OAS2: variants seen among roughly 807,000 people sequenced by gnomAD.
The protein encoded by OAS2 is 2'-5'-oligoadenylate synthase 2.
Under a neutral mutation model 71.3 loss-of-function variants are expected in OAS2, and 67 were observed. The observed-to-expected ratio is 0.94, with a 90% CI of 0.77 to 1.15. OAS2 has a LOEUF of 1.15. Among genes scored for constraint, OAS2 ranks in the 50% most tolerant of loss-of-function variants. The pLI, the probability that OAS2 is intolerant of heterozygous loss-of-function variation, is 0.00. For missense variants in OAS2, 789 were observed against 822.5 expected, an observed-to-expected ratio of 0.96 and a Z score of 0.50; for synonymous variants, 327 against 321.8, an observed-to-expected ratio of 1.02 and a Z score of -0.17.
At chr12:113,004,575 A>G (rs2044314499) in intron 6 of OAS2, among the ~76,000 whole-genome samples, 1 of 152,208 alleles carries the variant, frequency 6.6e-6, no homozygotes, top group African/African-American at 2.4e-5. Context: ...CACCTTCACC[A>G]TAATTATTGC....
chr12:112,986,995 C>A, intron 1 of OAS2, 43 bp from the exon 2 acceptor site: 1 of 1,563,404 alleles, frequency 6.4e-7, no homozygotes, highest in Non-Finnish European at 8.7e-7. Flanking sequence ...TCCCTGTAAC[C>A]CCAGAATCTA....
chr12:113,007,841 T>TG lies in OAS2; in HGVS notation c.1795dup (p.Val599GlyfsTer18). On this transcript the variant is annotated frameshift_variant, in exon 9 of 10. Coordinates refer to ENST00000392583, the MANE Select transcript of OAS2 (RefSeq NM_002535.3). LOFTEE classifies it high-confidence loss of function. ...GAAGGTTTCCGGACAGTCCTGGAGC[T>TG]GGTCACACAATATCAGCAGCTCTGC... 1 of 1,614,200 alleles carries TG rather than the reference T, an allele frequency of 6.2e-7. No individual in the cohort carries two copies. Among genetic ancestry groups the TG allele is most frequent in the Non-Finnish European group, 8.5e-7 (1 of 1,180,020 alleles).
chr12:112,993,083 A>G (rs1051462940), intron 2 of OAS2, among the ~76,000 whole-genome samples: 3 of 151,840 alleles, frequency 2.0e-5, no homozygotes, highest in Admixed American at 2.0e-4. Context: ...AAGGAAACAC[A>G]GGGTCACTTT....
chr12:113,010,029 G>C lies in OAS2; in HGVS notation c.*774G>C. 1.0e-6 allele frequency: 1 copy of C among 971,824 alleles called. No individual in the cohort carries two copies. The highest frequency in any genetic ancestry group is 1.2e-6 in the Non-Finnish European group (1 of 814,006). The allele number at this position is 971,824 out of a possible 1,614,324, so 60.2% of individuals were successfully genotyped here. On this transcript the variant is annotated 3_prime_UTR_variant, in exon 10 of 10. Coordinates refer to ENST00000392583, the MANE Select transcript of OAS2 (RefSeq NM_002535.3). ...TTGGAGGCTCTCTTGTGCATTGTAGGATGTTGAGCAGCATCTCTGGCCTGT... is the reference window on the plus strand; with the variant it reads ...TTGGAGGCTCTCTTGTGCATTGTAGCATGTTGAGCAGCATCTCTGGCCTGT...
chr12:112,984,243 A>G (rs934162646), intron 1 of OAS2, among the ~76,000 whole-genome samples: 3 of 152,218 alleles, frequency 2.0e-5, no homozygotes, highest in Non-Finnish European at 1.5e-5. Flanking sequence ...ATACATATAC[A>G]TATATATGTC....
At chr12:113,003,880 A>G (rs1343219923) in intron 6 of OAS2, among the ~76,000 whole-genome samples, 2 of 152,254 alleles carry the variant, frequency 1.3e-5, no homozygotes, top group African/African-American at 4.8e-5. Flanking sequence ...AATGGCACCA[A>G]TAGCCCCAGG....
At position 112,979,737 on chromosome 12, in the gene OAS2, C is replaced by A. The variant is rs149140088; in HGVS notation, c.177+952C>A. On this transcript the variant is annotated intron_variant, in intron 1 of 9. Coordinates refer to ENST00000392583, the MANE Select transcript of OAS2 (RefSeq NM_002535.3). ...CACCCAGATCCAGAAACAAAACATT[C>A]TCAGCCCCCCAGAGCCCTGGGCCCC... 9.3e-4 allele frequency among the ~76,000 whole-genome samples: 142 copies of A among 152,288 alleles called. 2 individuals are homozygous for A. The East Asian group carries it at 0.013, about 14-fold the overall frequency.
intron 1 of OAS2, among the ~76,000 whole-genome samples, chr12:112,983,683 G>T (rs1452730984): frequency 1.3e-5 from 2 of 152,042 alleles, no homozygotes. Flanking sequence ...GAAATTTTTT[G>T]ATTTCCTTTT....
chr12:112,983,069 T>G (rs1402254287), intron 1 of OAS2, among the ~76,000 whole-genome samples: 1 of 152,192 alleles, frequency 6.6e-6, no homozygotes, highest in African/African-American at 2.4e-5. Context: ...TCTCTTTTTT[T>G]AGTCTATTTA....
chr12:112,979,479 C>T (rs893940711), intron 1 of OAS2, among the ~76,000 whole-genome samples: 16 of 152,200 alleles, frequency 1.1e-4, no homozygotes, highest in Admixed American at 3.3e-4. Context: ...AATCTAGACA[C>T]GTGGTGTCCC....
At chr12:112,991,905 A>G (rs1156658041) in intron 2 of OAS2, among the ~76,000 whole-genome samples, 2 of 152,174 alleles carry the variant, frequency 1.3e-5, no homozygotes, top group Non-Finnish European at 2.9e-5. Context: ...TTCATTATTA[A>G]TAATAGTTGT....
Position 112,987,308 on chromosome 12 carries a change from A to G in OAS2, c.448A>G (p.Ser150Gly), listed in dbSNP as rs778722892. The G allele has an allele frequency of 3.7e-6, 6 of 1,614,072 alleles. No individual in the cohort carries two copies. The highest frequency in any genetic ancestry group is 3.3e-5 in the South Asian group (3 of 91,084). Reference protein sequence around the residue: ...FEVLAAFNALSLNDNPSPWIY... With the variant: ...FEVLAAFNALGLNDNPSPWIY... Reference sequence around the variant, plus strand: ...GGTGCTGGCCGCCTTCAACGCTCTGAGTAAGCATTGCTGGGTGTCAGGAGA... The same window carrying G: ...GGTGCTGGCCGCCTTCAACGCTCTGGGTAAGCATTGCTGGGTGTCAGGAGA... The change falls in exon 2 of 10, where the codon AGC (serine) becomes GGC (glycine). Residue 150 changes from serine (S) to glycine (G), a missense_variant and splice_region_variant. Coordinates refer to ENST00000392583, the MANE Select transcript of OAS2 (RefSeq NM_002535.3).
In OAS2 at chr12:112,989,158, C is replaced by T. The variant is rs533234448; in HGVS notation, c.448+1850C>T. On this transcript the variant is annotated intron_variant, in intron 2 of 9. Coordinates refer to ENST00000392583, the MANE Select transcript of OAS2 (RefSeq NM_002535.3). ...AATTGAATCATGGAGGCAGGTATTT[C>T]CCATGCTGTTCTCATGATAATGAAT... 2.0e-5 allele frequency among the ~76,000 whole-genome samples: 3 copies of T among 152,274 alleles called. No individual in the cohort carries two copies. The East Asian group carries it at 5.8e-4, about 29-fold the overall frequency.
intron 5 of OAS2, among the ~76,000 whole-genome samples, chr12:113,000,788 T>A (rs116636178): frequency 1.3e-5 from 2 of 152,294 alleles, no homozygotes; most frequent in African/African-American, 4.8e-5. Context: ...ACCACAAATA[T>A]TCTGCCCTGT....
Position 113,007,802 on chromosome 12 carries a change from A to G in OAS2, c.1754A>G (p.Asp585Gly), listed in dbSNP as rs750663178. ...YAWEQGSGVP[D>G]FDTAEGFRTV... ...TGGGAGCAGGGGAGTGGAGTGCCGG[A>G]TTTTGACACTGCAGAAGGTTTCCGG... Residue 585 changes from aspartate (D) to glycine (G), a missense_variant, in exon 9 of 10, where the codon GAT (aspartate) becomes GGT (glycine). By Grantham distance (94) the Asp-to-Gly change is moderately conservative. Transcript: ENST00000392583. 6.2e-7 allele frequency: 1 copy of G among 1,614,166 alleles called. No individual in the cohort carries two copies. Among genetic ancestry groups the G allele is most frequent in the African/African-American group, 1.3e-5 (1 of 75,042 alleles).
chr12:113,007,846 A>T lies in OAS2; in HGVS notation c.1798A>T (p.Thr600Ser). ...TTTCCGGACAGTCCTGGAGCTGGTC[A>T]CACAATATCAGCAGCTCTGCATCTT... is the stretch of plus-strand genomic sequence containing the variant. ...EGFRTVLELV[T>S]QYQQLCIFWK... Residue 600 changes from threonine (T) to serine (S), a missense_variant, in exon 9 of 10, where the codon ACA becomes TCA. Physicochemically the swap from Thr to Ser is moderately conservative, Grantham distance 58 (BLOSUM62 1). Coordinates refer to ENST00000392583, the MANE Select transcript of OAS2 (RefSeq NM_002535.3). 1.9e-6 allele frequency: 3 copies of T among 1,614,198 alleles called. No homozygotes were observed. The Admixed American group carries it at 5.0e-5, about 27-fold the overall frequency.
intron 9 of OAS2, among the ~76,000 whole-genome samples, chr12:113,008,809 T>A (rs2044356227): frequency 6.6e-6 from 1 of 152,072 alleles, no homozygotes; most frequent in African/African-American, 2.4e-5. Flanking sequence ...GTATTTTTAG[T>A]AGAGATGGGG....
intron 3 of OAS2, 100 bp from the exon 4 acceptor site, chr12:112,997,420 A>T: frequency 1.1e-6 from 1 of 937,338 alleles, no homozygotes; most frequent in Non-Finnish European, 1.6e-6. Flanking sequence ...CTAGCAAAGG[A>T]CAATGACTTC....
intron 3 of OAS2, 133 bp downstream of exon 3, chr12:112,995,607 A>C: frequency 1.2e-6 from 1 of 830,430 alleles, no homozygotes; most frequent in Non-Finnish European, 1.9e-6. Flanking sequence ...CAACACCCAA[A>C]TCAACATAGG....
Sources: allele counts gnomAD v4.1 joint callset (sites outside exome capture counted in the v4.1 genomes callset), GRCh38; gene constraint gnomAD v4.1.1; transcripts MANE v1.5; gene names NCBI Gene and HGNC (gene_info 2026-07-23, HGNC 2026-07-21).